The following DNAH3 variants were observed in gnomAD, a reference collection of about 807,000 sequenced individuals.
DNAH3 encodes dynein axonemal heavy chain 3.
Under a neutral mutation model 432.5 loss-of-function variants are expected in DNAH3, and 332 were observed. The ratio of observed to expected loss-of-function variants is 0.77; its 90% CI spans 0.70 to 0.84. The LOEUF (loss-of-function observed/expected upper bound fraction) is 0.84. Ranked by LOEUF, DNAH3 falls within the 40% of genes least tolerant of loss-of-function variation. The pLI is 0.00. For missense variants in DNAH3, 4,861 were observed against 5,114.0 expected (o/e 0.95, Z 1.51); for synonymous variants, 1,956 against 1,900.2 (o/e 1.03, Z -0.76).
chr16:21,059,329 T>C (rs1328197612), intron 26 of DNAH3, among the ~76,000 whole-genome samples: 1 of 152,224 alleles, frequency 6.6e-6, no homozygotes, highest in East Asian at 1.9e-4. Context: ...TAATTTTTGA[T>C]TCAGAGCATG....
chr16:21,061,231 C>CTT lies in DNAH3; in HGVS notation c.3721-877_3721-876dup, dbSNP rs11383667. 7.6e-3 allele frequency among the ~76,000 whole-genome samples: 778 copies of CTT among 102,804 alleles called. 14 individuals are homozygous for CTT. The highest frequency in any genetic ancestry group is 0.022 in the African/African-American group (619 of 27,878). 67.4% of individuals were successfully genotyped at this position (102,804 alleles called of 152,430 possible). A position where few individuals can be genotyped will look rare whatever the true frequency, so the allele number is the denominator to read the frequency against. On this transcript the variant is annotated intron_variant, in intron 25 of 61. Coordinates refer to ENST00000261383, the Ensembl canonical transcript of DNAH3. ...TATGCCTTCTAAAGGGGCGATAGGCCTTTTTTTTTTTTTTTTTTTTGAGAC... is the reference window on the plus strand; with the variant it reads ...TATGCCTTCTAAAGGGGCGATAGGCCTTTTTTTTTTTTTTTTTTTTTTGAGAC...
At chr16:21,063,881 A>G (rs1371114103) in intron 24 of DNAH3, among the ~76,000 whole-genome samples, 1 of 152,176 alleles carries the variant, frequency 6.6e-6, no homozygotes, top group Non-Finnish European at 1.5e-5. Context: ...AGACAATTTC[A>G]TCTCTTGTTC....
chr16:21,108,327 T>C lies in DNAH3; in HGVS notation c.2100-1653A>G, dbSNP rs146877768. 1.9e-3 allele frequency among the ~76,000 whole-genome samples: 292 copies of C among 152,344 alleles called. 1 individual carries two copies. Among genetic ancestry groups the C allele is most frequent in the African/African-American group, 6.8e-3 (284 of 41,592 alleles). The stretch of plus-strand genomic sequence containing the variant: ...ATATTAAAAAGACCTAAGGACATTA[T>C]ACATTTATTTGGATAAGGATGAATG... On this transcript the variant is annotated intron_variant, in intron 14 of 61. Coordinates refer to ENST00000261383, the Ensembl canonical transcript of DNAH3.
At chr16:21,033,874 C>T (rs540502081) in intron 36 of DNAH3, 100 bp downstream of exon 36, 25 of 738,604 alleles carry the variant, frequency 3.4e-5, no homozygotes, top group Middle Eastern at 3.6e-4. Flanking sequence ...ACGTCACGAT[C>T]GAGGCCTGAC....
intron 24 of DNAH3, among the ~76,000 whole-genome samples, chr16:21,066,710 T>G (rs2090563341): frequency 6.6e-6 from 1 of 152,156 alleles, no homozygotes; most frequent in Non-Finnish European, 1.5e-5. Context: ...TGCAGAAGAT[T>G]GGTTCTTGTG....
chr16:21,017,084 T>A (rs559650862), intron 41 of DNAH3, among the ~76,000 whole-genome samples: 1 of 152,034 alleles, frequency 6.6e-6, no homozygotes, highest in South Asian at 2.1e-4. Context: ...TGGAGGGAGG[T>A]GATGGTTGCC....
At chr16:21,149,313 C>T (rs567240152) in intron 1 of DNAH3, among the ~76,000 whole-genome samples, 4 of 152,196 alleles carry the variant, frequency 2.6e-5, no homozygotes, top group South Asian at 4.1e-4. Context: ...GCTTTCACTT[C>T]AGAGCATATT....
chr16:20,951,738 ATTTTTTTTTT>A (rs869256566), intron 56 of DNAH3, among the ~76,000 whole-genome samples: 11 of 73,466 alleles, frequency 1.5e-4, no homozygotes, highest in Non-Finnish European at 2.4e-4. Flanking sequence ...CCTGGCCCGT[ATTTTTTTTTT>A]TTTTTTTTTT....
chr16:20,944,122 ATGG>A (rs2083934898), intron 58 of DNAH3, among the ~76,000 whole-genome samples: 1 of 151,998 alleles, frequency 6.6e-6, no homozygotes, highest in African/African-American at 2.4e-5. Flanking sequence ...GTTTCCACTT[ATGG>A]TTCTGATGTG....
At chr16:21,152,881 C>T (rs1307394432) in intron 1 of DNAH3, among the ~76,000 whole-genome samples, 2 of 152,380 alleles carry the variant, frequency 1.3e-5, no homozygotes, top group South Asian at 2.1e-4. Flanking sequence ...AGCCTCCCAC[C>T]CCCTCCGTGG....
intron 35 of DNAH3, 98 bp from the exon 36 acceptor site, chr16:21,034,183 G>T: frequency 1.4e-6 from 1 of 738,446 alleles, no homozygotes; most frequent in Non-Finnish European, 2.3e-6. Flanking sequence ...GTCAGAAGAG[G>T]ATTCTCACAG....
At chr16:21,010,901 TG>T (rs1259786298) in intron 41 of DNAH3, among the ~76,000 whole-genome samples, 309 of 144,998 alleles carry the variant, frequency 2.1e-3, no homozygotes, top group African/African-American at 7.4e-3. Context: ...TTTTTTTTTT[TG>T]TTTTTTTTTG....
intron 41 of DNAH3, chr16:21,019,357 AC>A (rs1467918071): frequency 6.8e-6 from 3 of 440,796 alleles, no homozygotes; most frequent in Non-Finnish European, 1.2e-5. Context: ...ACGGGGTTTC[AC>A]CATGTTGGCC....
exon 50 of DNAH3, chr16:20,979,513 G>C (rs143406893): frequency 1.9e-6 from 3 of 1,613,958 alleles, no homozygotes; most frequent in African/African-American, 1.3e-5. Flanking sequence ...GCTTCTTGAC[G>C]CTCTCTTGGA....
At chr16:21,041,882 A>G in intron 32 of DNAH3, 145 bp downstream of exon 32, 1 of 859,202 alleles carries the variant, frequency 1.2e-6, no homozygotes, top group Non-Finnish European at 1.9e-6. Context: ...CACATTGGAC[A>G]GGCTGATCTC....
chr16:21,149,645 A>C (rs1050053340), intron 1 of DNAH3, among the ~76,000 whole-genome samples: 2 of 151,874 alleles, frequency 1.3e-5, no homozygotes, highest in Non-Finnish European at 2.9e-5. Context: ...GGGGACCAAG[A>C]CTCTATGTTT....
At chr16:20,944,772 A>G in intron 57 of DNAH3, 109 bp from the exon 58 acceptor site, 1 of 890,386 alleles carries the variant, frequency 1.1e-6, no homozygotes, top group Non-Finnish European at 1.8e-6. Flanking sequence ...TATCAGTAGC[A>G]CAGGACACAC....
intron 31 of DNAH3, among the ~76,000 whole-genome samples, chr16:21,046,087 A>C (rs1005028738): frequency 6.7e-6 from 1 of 149,282 alleles, no homozygotes; most frequent in African/African-American, 2.5e-5. Flanking sequence ...GGAGAGCTTT[A>C]CTTCCCAGTA....
chr16:21,050,499 C>A (rs2152742846), intron 29 of DNAH3, among the ~76,000 whole-genome samples: 1 of 152,282 alleles, frequency 6.6e-6, no homozygotes, highest in East Asian at 1.9e-4. Context: ...AGTGCAGAGG[C>A]ATGGTCACAG....
Sources: gnomAD v4.1 joint callset for allele counts (sites outside exome capture counted in the v4.1 genomes callset) on GRCh38, gnomAD v4.1.1 for gene constraint, MANE v1.5 for transcripts, NCBI Gene and HGNC (gene_info 2026-07-23, HGNC 2026-07-21) for gene names.